The following WDR17 variants were observed in gnomAD, a reference collection of about 807,000 sequenced individuals.
WDR17 encodes the protein WD repeat domain 17.
Under a neutral mutation model 161.7 loss-of-function variants are expected in WDR17, and 143 were observed. The ratio of observed to expected loss-of-function variants is 0.88; its 90% confidence interval spans 0.77 to 1.02. The LOEUF (loss-of-function observed/expected upper bound fraction) is 1.02, where lower values mean the gene tolerates loss of function less well. Ranked by LOEUF, WDR17 falls within the 50% of genes least tolerant of loss-of-function variation. The pLI, the probability that WDR17 is intolerant of heterozygous loss-of-function variation, is 0.00. For missense variants in WDR17, 1,469 were observed against 1,520.9 expected (o/e 0.97, Z 0.57); for synonymous variants, 517 against 515.6 (o/e 1.00, Z -0.04).
chr4:176,134,175 A>G (rs1744008691), intron 7 of WDR17, among the ~76,000 whole-genome samples: 1 of 151,628 alleles, frequency 6.6e-6, no homozygotes, highest in South Asian at 2.1e-4. Flanking sequence ...GTACTTTTGT[A>G]GTTTCCTAAG....
intron 1 of WDR17, among the ~76,000 whole-genome samples, chr4:176,070,933 A>G (rs1473187080): frequency 2.0e-5 from 3 of 152,194 alleles, no homozygotes; most frequent in Admixed American, 2.0e-4. Context: ...TTTTCCCAGA[A>G]CATGAATATG....
intron 1 of WDR17, among the ~76,000 whole-genome samples, chr4:176,070,370 G>A (rs771829222): frequency 1.3e-5 from 2 of 152,086 alleles, no homozygotes; most frequent in Non-Finnish European, 2.9e-5. Context: ...ATCTGTGCCT[G>A]GGCCCTACCT....
At chr4:176,128,068 G>T (rs1013904956) in intron 5 of WDR17, among the ~76,000 whole-genome samples, 1 of 152,094 alleles carries the variant, frequency 6.6e-6, no homozygotes, top group Admixed American at 6.6e-5. Context: ...ATAGACAGAC[G>T]CATTGTTTCC....
chr4:176,145,978 C>A lies in WDR17; in HGVS notation c.1530-17C>A. 6.2e-7 allele frequency: 1 copy of A among 1,601,888 alleles called. No individual in the cohort carries two copies. The highest frequency in any genetic ancestry group is 8.5e-7 in the Non-Finnish European group (1 of 1,170,326). On this transcript the variant is annotated splice_polypyrimidine_tract_variant and intron_variant, in intron 11 of 28. Transcript: ENST00000508596. ...TCATATTTATCCTATGTCAATATTCCATTGATGATATTTCAGAGACATGAT... is the reference window on the plus strand; with the variant it reads ...TCATATTTATCCTATGTCAATATTCAATTGATGATATTTCAGAGACATGAT...
intron 12 of WDR17, 83 bp from the exon 13 acceptor site, chr4:176,148,047 AATT>A: frequency 1.8e-6 from 2 of 1,138,012 alleles, no homozygotes; most frequent in Non-Finnish European, 2.4e-6. Flanking sequence ...GCTAACAAAT[AATT>A]ATTATACTCT....
At chr4:176,071,345 C>T (rs1418034900) in intron 1 of WDR17, among the ~76,000 whole-genome samples, 1 of 72,210 alleles carries the variant, frequency 1.4e-5, no homozygotes, top group Non-Finnish European at 3.6e-5. Context: ...TTTTTTGAGA[C>T]AGAGTCTCAC....
intron 21 of WDR17, among the ~76,000 whole-genome samples, chr4:176,162,397 C>T (rs1749164693): frequency 6.6e-6 from 1 of 152,126 alleles, no homozygotes; most frequent in South Asian, 2.1e-4. Flanking sequence ...ATTTCTACCA[C>T]AAGACACATA....
chr4:176,102,695 C>T (rs571546918), intron 1 of WDR17, among the ~76,000 whole-genome samples: 9 of 152,146 alleles, frequency 5.9e-5, no homozygotes, highest in Non-Finnish European at 1.2e-4. Context: ...CCATGAAAGG[C>T]ACTAGAAATC....
At position 176,113,263 on chromosome 4, in the gene WDR17, AAG is replaced by A. The variant is rs1222839992; in HGVS notation, c.123+1564_123+1565del. On this transcript the variant is annotated intron_variant, in intron 2 of 28. Coordinates refer to ENST00000508596, the MANE Select transcript of WDR17 (RefSeq NM_181265.4). ...TCTTGTCTTTTATTTCCTCCTAAAGAAGAGAAAGTTATCAAGCAAGTCAAACT... is the reference window on the plus strand; with the variant it reads ...TCTTGTCTTTTATTTCCTCCTAAAGAAGAAAGTTATCAAGCAAGTCAAACT... 9.9e-5 allele frequency among the ~76,000 whole-genome samples: 15 copies of A among 152,190 alleles called. No individual in the cohort carries two copies. In the East Asian group the frequency reaches 2.9e-3, roughly 29 times the overall value.
intron 4 of WDR17, among the ~76,000 whole-genome samples, chr4:176,123,756 G>A (rs1052462433): frequency 6.6e-6 from 1 of 152,160 alleles, no homozygotes; most frequent in Non-Finnish European, 1.5e-5. Context: ...TTTTATAGAA[G>A]CTTTATTATA....
Position 176,079,761 on chromosome 4 carries a change from C to T in WDR17, c.-7+13682C>T, listed in dbSNP as rs527918173. ...AGCTAAGAAGTCCAAGGTCAAGAGG[C>T]CACATCTGGTAAAAGCCTAAGAGCC... On this transcript the variant is annotated intron_variant, in intron 1 of 28. Transcript: ENST00000508596. Among the ~76,000 whole-genome samples, 3 of 152,170 alleles carry T rather than the reference C, an allele frequency of 2.0e-5. No homozygotes were observed. The South Asian group carries it at 6.2e-4, about 32-fold the overall frequency.
chr4:176,127,625 A>G (rs1338549701), intron 5 of WDR17, among the ~76,000 whole-genome samples: 9 of 152,106 alleles, frequency 5.9e-5, no homozygotes, highest in Non-Finnish European at 8.8e-5. Flanking sequence ...TTTGTATTTT[A>G]TTACTATTAC....
At chr4:176,154,150 C>T (rs1747682052) in intron 17 of WDR17, among the ~76,000 whole-genome samples, 1 of 152,148 alleles carries the variant, frequency 6.6e-6, no homozygotes, top group African/African-American at 2.4e-5. Flanking sequence ...CATCGATGTA[C>T]TTAATGATCC....
chr4:176,123,796 G>A (rs1320977874), intron 4 of WDR17, among the ~76,000 whole-genome samples: 1 of 152,158 alleles, frequency 6.6e-6, no homozygotes, highest in East Asian at 1.9e-4. Context: ...ATTGGCCCTT[G>A]GCGATCAGCC....
chr4:176,149,011 T>C (rs965079603), intron 13 of WDR17, among the ~76,000 whole-genome samples: 2 of 152,164 alleles, frequency 1.3e-5, no homozygotes, highest in Non-Finnish European at 2.9e-5. Context: ...AATGGCCTTT[T>C]AGCCAAGGCA....
intron 23 of WDR17, 182 bp from the exon 24 acceptor site, chr4:176,172,193 T>C: frequency 1.8e-6 from 1 of 563,196 alleles, no homozygotes; most frequent in African/African-American, 2.0e-5. Context: ...CTTACTGTTT[T>C]TAGATCTTAA....
In WDR17 at chr4:176,096,475, C is replaced by T. The variant is rs544143704; in HGVS notation, c.-6-15100C>T. Reference sequence around the variant, plus strand: ...GTTGTTACTTTAGGTGCTGACTATTCTGATGCCGAGTTTCCAATTGCCTTG... The same window carrying T: ...GTTGTTACTTTAGGTGCTGACTATTTTGATGCCGAGTTTCCAATTGCCTTG... On this transcript the variant is annotated intron_variant, in intron 1 of 28. Transcript: ENST00000508596. 4 of 1,520,202 alleles carry T rather than the reference C, an allele frequency of 2.6e-6. No homozygotes were observed. The South Asian group carries it at 4.7e-5, about 18-fold the overall frequency. The allele number at this position is 1,520,202 out of a possible 1,614,324, so 94.2% of individuals were successfully genotyped here. A position where few individuals can be genotyped will look rare whatever the true frequency, so the allele number is the denominator to read the frequency against.
intron 3 of WDR17, 139 bp downstream of exon 3, chr4:176,116,118 T>C: frequency 1.2e-6 from 1 of 808,256 alleles, no homozygotes; most frequent in South Asian, 2.4e-5. Flanking sequence ...AAATTTCACA[T>C]AATGACTCAT....
chr4:176,096,030 A>G (rs2126642958), intron 1 of WDR17, among the ~76,000 whole-genome samples: 1 of 152,242 alleles, frequency 6.6e-6, no homozygotes, highest in South Asian at 2.1e-4. Context: ...TTTAACTGTC[A>G]ACTATGGGGC....
Sources: allele counts gnomAD v4.1 joint callset (sites outside exome capture counted in the v4.1 genomes callset), GRCh38; gene constraint gnomAD v4.1.1; transcripts MANE v1.5; gene names NCBI Gene and HGNC (gene_info 2026-07-23, HGNC 2026-07-21).